The following PUF60 variants were observed in gnomAD, a reference collection of about 807,000 sequenced individuals.
PUF60 encodes the protein poly(U) binding splicing factor 60.
Under a neutral mutation model 61.8 loss-of-function variants are expected in PUF60, and 10 were observed. The observed-to-expected ratio is 0.16, with a 90% CI of 0.10 to 0.27. The LOEUF (loss-of-function observed/expected upper bound fraction) is 0.27, where lower values mean the gene tolerates loss of function less well. PUF60 is among the 10% of genes least tolerant of loss of function. The pLI is 1.00. For synonymous variants in PUF60, 353 were observed against 300.9 expected (o/e 1.17, Z -1.79); for missense variants, 371 against 754.0 (o/e 0.49, Z 5.95).
chr8:143,817,260 G>A lies in PUF60; in HGVS notation c.1144+71C>T, dbSNP rs1816447758. On this transcript the variant is annotated intron_variant, in intron 10 of 11. Coordinates refer to ENST00000526683, the MANE Select transcript of PUF60 (RefSeq NM_078480.3). This position sits in a 1 kb window ranked among gnomAD's most constrained non-coding sequence, Gnocchi z 7.4. ...GTTGTGCCCAGACCACCAGGGCCAGGCAGCTGAGGGCAGCGAGCCGAGAGA... is the reference window on the plus strand; with the variant it reads ...GTTGTGCCCAGACCACCAGGGCCAGACAGCTGAGGGCAGCGAGCCGAGAGA... 3 of 1,536,952 alleles carry A rather than the reference G, an allele frequency of 2.0e-6. No homozygotes were observed. Among genetic ancestry groups the A allele is most frequent in the Admixed American group, 4.3e-5 (2 of 46,482 alleles).
rs779074562 is a variant in PUF60 at position 143,816,719 on chromosome 8, T to C, written c.1481A>G (p.Asn494Ser). The change falls in exon 12 of 12, where the codon AAC becomes AGC. Residue 494 changes from asparagine (N) to serine (S), a missense_variant. Transcript: ENST00000526683. ...TEECGKFGAV[N>S]RVIIYQEKQG... ...TTTCTCTTGGTAGATGATGACGCGG[T>C]TCACGGCCCCGAACTTGCCACACTC... The C allele has an allele frequency of 6.2e-7, 1 of 1,613,788 alleles. No homozygotes were observed. The highest frequency in any genetic ancestry group is 1.1e-5 in the South Asian group (1 of 91,088).
Position 143,828,860 on chromosome 8 carries a change from C to T in PUF60, c.24+420G>A, listed in dbSNP as rs75950954. 8.1e-4 allele frequency: 749 copies of T among 926,652 alleles called. 7 individuals are homozygous for T. The African/African-American group carries it at 0.012, about 15-fold the overall frequency. The allele number at this position is 926,652 out of a possible 1,614,324, so 57.4% of individuals were successfully genotyped here. A position where few individuals can be genotyped will look rare whatever the true frequency, so the allele number is the denominator to read the frequency against. ...GAGCTGCAGGCCCCTTTCTACAGGTCCCGTCCCCTTCTGATCCCATCAACC... is the reference window on the plus strand; with the variant it reads ...GAGCTGCAGGCCCCTTTCTACAGGTTCCGTCCCCTTCTGATCCCATCAACC... On this transcript the variant is annotated intron_variant, in intron 1 of 11. Coordinates refer to ENST00000526683, the MANE Select transcript of PUF60 (RefSeq NM_078480.3).
chr8:143,820,636 G>A (rs766918203), intron 5 of PUF60, 30 bp downstream of exon 5: 1 of 1,605,002 alleles, frequency 6.2e-7, no homozygotes, highest in Non-Finnish European at 8.5e-7. Context: ...AAGGACATGA[G>A]CCCCGGAAGA....
intron 1 of PUF60, among the ~76,000 whole-genome samples, chr8:143,828,421 T>C (rs1817887865): frequency 6.6e-6 from 1 of 152,218 alleles, no homozygotes; most frequent in South Asian, 2.1e-4. Flanking sequence ...ATAAGCTAAG[T>C]GGTGAGAAGG....
At chr8:143,820,569 G>T in intron 5 of PUF60, 97 bp downstream of exon 5, 1 of 1,357,702 alleles carries the variant, frequency 7.4e-7, no homozygotes, top group Non-Finnish European at 1.0e-6. Flanking sequence ...GGCAGGGCCG[G>T]CCAGGGGAGC....
intron 1 of PUF60, chr8:143,827,079 A>G (rs1270528603): frequency 3.1e-6 from 1 of 319,712 alleles, no homozygotes; most frequent in Non-Finnish European, 6.1e-6. Flanking sequence ...GACACGAGAC[A>G]AGAGAGAAAG....
intron 4 of PUF60, among the ~76,000 whole-genome samples, chr8:143,821,033 G>C (rs373924892): frequency 6.6e-6 from 1 of 152,342 alleles, no homozygotes; most frequent in Admixed American, 6.5e-5. Context: ...GGCTGGGCGG[G>C]GGGGCGTGAG....
chr8:143,823,363 G>A (rs1028700845), intron 2 of PUF60: 1 of 152,546 alleles, frequency 6.6e-6, no homozygotes, highest in Non-Finnish European at 1.5e-5. Context: ...CTCCTTAGTG[G>A]GAAAGAGGGC....
chr8:143,816,476 G>C lies in PUF60; in HGVS notation c.*44C>G, dbSNP rs766011402. The C allele has an allele frequency of 1.3e-6, 2 of 1,569,526 alleles. No homozygotes were observed. Among genetic ancestry groups the C allele is most frequent in the Non-Finnish European group, 1.7e-6 (2 of 1,159,122 alleles). On this transcript the variant is annotated 3_prime_UTR_variant, in exon 12 of 12. Coordinates refer to ENST00000526683, the MANE Select transcript of PUF60 (RefSeq NM_078480.3). ...CACCACTGTATCACTATAAAACCCA[G>C]AGGAAACAAGGAACAAGTGCAAGTC...
intron 4 of PUF60, chr8:143,821,346 G>C (rs1816993428): frequency 1.7e-6 from 1 of 594,710 alleles, no homozygotes; most frequent in African/African-American, 1.9e-5. Context: ...AGGGGAAAAG[G>C]GTAGAGCTGC....
rs559702760 is a variant in PUF60 at position 143,817,006 on chromosome 8, T to G, written c.1284A>C (p.Ser428=). The change falls in exon 11 of 12, where the codon TCA becomes TCC. Residue 428 remains serine (S), a synonymous_variant. Transcript: ENST00000526683. This position sits in a 1 kb window ranked among gnomAD's most constrained non-coding sequence, Gnocchi z 7.4. ...EKEEEELFPE[S]ERPEMLSEQE... ...GCTCGCTCAGCATCTCTGGCCGCTCTGACTCGGGAAACAGCTCCTCTTCTT... is the reference window on the plus strand; with the variant it reads ...GCTCGCTCAGCATCTCTGGCCGCTCGGACTCGGGAAACAGCTCCTCTTCTT... The G allele has an allele frequency of 1.2e-6, 2 of 1,608,288 alleles. No individual in the cohort carries two copies. The highest frequency in any genetic ancestry group is 1.7e-5 in the Admixed American group (1 of 59,304).
At chr8:143,820,838 C>A in intron 4 of PUF60, 122 bp from the exon 5 acceptor site, 1 of 938,198 alleles carries the variant, frequency 1.1e-6, no homozygotes, top group Non-Finnish European at 1.7e-6. Flanking sequence ...GGCCGCCTGC[C>A]TTCCCACACT....
At chr8:143,821,297 G>A in intron 4 of PUF60, 1 of 553,362 alleles carries the variant, frequency 1.8e-6, no homozygotes, top group Non-Finnish European at 3.2e-6. Context: ...GGGGCAGGGA[G>A]CACGGGAGAG....
rs1259833066 is a variant in PUF60 at position 143,818,862 on chromosome 8, G to C, written c.349-328C>G. The stretch of plus-strand genomic sequence containing the variant: ...AGACCACCCCTCCAGTCTGGGGGCT[G>C]GGTATCCCAGGCTGGGCTGGGAGAT... On this transcript the variant is annotated intron_variant, in intron 5 of 11. Transcript: ENST00000526683. The surrounding 1 kb of genome is among the most constrained non-coding windows in gnomAD (Gnocchi z 7.9). 1 of 355,440 alleles carries C rather than the reference G, an allele frequency of 2.8e-6. No individual in the cohort carries two copies. The highest frequency in any genetic ancestry group is 5.1e-6 in the Non-Finnish European group (1 of 195,190). 22.0% of individuals were successfully genotyped at this position (355,440 alleles called of 1,614,324 possible). A position where few individuals can be genotyped will look rare whatever the true frequency, so the allele number is the denominator to read the frequency against.
intron 2 of PUF60, chr8:143,823,317 TCCTCACCA>T (rs1282329309): frequency 6.5e-6 from 1 of 152,972 alleles, no homozygotes; most frequent in African/African-American, 2.4e-5. Context: ...ACTAGGCCTG[TCCTCACCA>T]CCCTCACAGC....
Position 143,817,543 on chromosome 8 carries a change from CAG to C in PUF60, c.1008+47_1008+48del, listed in dbSNP as rs1176963146. On this transcript the variant is annotated intron_variant, in intron 9 of 11. Coordinates refer to ENST00000526683, the MANE Select transcript of PUF60 (RefSeq NM_078480.3). The surrounding 1 kb of genome is among the most constrained non-coding windows in gnomAD (Gnocchi z 7.4). Reference sequence around the variant, plus strand: ...CACCTTGAATCAGTCTCCAAGGAATCAGGGGCCAGCCCGCCCACCCTCAAGCC... The same window carrying C: ...CACCTTGAATCAGTCTCCAAGGAATCGGGCCAGCCCGCCCACCCTCAAGCC... The C allele has an allele frequency of 1.1e-5, 17 of 1,608,448 alleles. No individual in the cohort carries two copies. Among genetic ancestry groups the C allele is most frequent in the African/African-American group, 5.3e-5 (4 of 74,850 alleles).
chr8:143,828,890 G>A (rs1186630862), intron 1 of PUF60: 2 of 978,422 alleles, frequency 2.0e-6, no homozygotes, highest in Non-Finnish European at 2.4e-6. Context: ...TCAACCCGAA[G>A]GCCCACGCGT....
At chr8:143,827,319 G>C in intron 1 of PUF60, 1 of 455,490 alleles carries the variant, frequency 2.2e-6, no homozygotes, top group South Asian at 1.6e-5. Flanking sequence ...ATGAGAGCTG[G>C]TCTGGCTGTC....
chr8:143,823,484 G>A (rs2058227180), intron 2 of PUF60, among the ~76,000 whole-genome samples: 1 of 152,248 alleles, frequency 6.6e-6, no homozygotes, highest in African/African-American at 2.4e-5. Flanking sequence ...GTAAACAAAA[G>A]GCCCTTCTCC....
Sources: allele counts gnomAD v4.1 joint callset (sites outside exome capture counted in the v4.1 genomes callset), GRCh38; gene constraint gnomAD v4.1.1; non-coding constraint Gnocchi (gnomAD v3.1); transcripts MANE v1.5; gene names NCBI Gene and HGNC (gene_info 2026-07-23, HGNC 2026-07-21).